DRC3: variants seen among roughly 807,000 people sequenced by gnomAD.
DRC3 encodes leucine rich repeat containing 48.
DRC3 carries 45 observed loss-of-function variants against 57.6 expected under a neutral mutation model. The observed-to-expected ratio is 0.78, with a 90% confidence interval of 0.62 to 1.00. The LOEUF (loss-of-function observed/expected upper bound fraction) is 1.00. Among genes scored for constraint, DRC3 ranks in the 50% least tolerant of loss-of-function variants. The probability of loss-of-function intolerance (pLI) is 0.00; values close to 1 mark genes in which losing one functional copy is unlikely to be tolerated. For missense variants in DRC3, 655 were observed against 675.2 expected (o/e 0.97, Z 0.33); for synonymous variants, 257 against 272.3 (o/e 0.94, Z 0.55).
chr17:17,986,538 C>T (rs528729813), intron 4 of DRC3, among the ~76,000 whole-genome samples: 184 of 149,188 alleles, frequency 1.2e-3, no homozygotes, highest in South Asian at 3.6e-3. Context: ...GGCACAATCT[C>T]GGCTCACTCC....
At position 17,977,628 on chromosome 17, in the gene DRC3, G is replaced by A. The variant is rs368584017; in HGVS notation, c.30G>A (p.Pro10=). The A allele has an allele frequency of 7.4e-6, 12 of 1,613,872 alleles. No individual in the cohort carries two copies. The highest frequency in any genetic ancestry group is 1.6e-4 in the Middle Eastern group (1 of 6,082). ...ACCAGCCGTGCAACTCGATGGAGCC[G>A]AGGGTGATGGACGATGACATGCTCA... is the stretch of plus-strand genomic sequence containing the variant. The part of the protein sequence containing the change: MNQPCNSME[P]RVMDDDMLKL... Residue 10 remains proline, a synonymous_variant, in exon 3 of 14, where the codon CCG becomes CCA. Coordinates refer to ENST00000399187, the MANE Select transcript of DRC3 (RefSeq NM_031294.4).
intron 6 of DRC3, chr17:17,994,055 C>G (rs550983294): frequency 9.1e-5 from 40 of 439,264 alleles, no homozygotes; most frequent in South Asian, 8.3e-4. Context: ...CAGCCTGCCA[C>G]GCTGCCTTCC....
At chr17:17,989,540 G>T (rs2043129695) in intron 5 of DRC3, 1 of 152,800 alleles carries the variant, frequency 6.5e-6, no homozygotes. Flanking sequence ...GGAAGCAGAG[G>T]TAAGGCAGGG....
chr17:17,999,131 C>T (rs1284315563), intron 9 of DRC3, among the ~76,000 whole-genome samples: 2 of 152,302 alleles, frequency 1.3e-5, no homozygotes, highest in Admixed American at 6.5e-5. Context: ...CCCTCAGCAG[C>T]GAGTCCCTCT....
chr17:18,010,173 T>G (rs2044119997), intron 12 of DRC3, among the ~76,000 whole-genome samples: 1 of 152,216 alleles, frequency 6.6e-6, no homozygotes, highest in African/African-American at 2.4e-5. Flanking sequence ...AGATTCTGGC[T>G]GGCACCAGGA....
At chr17:17,982,083 C>T (rs1198070379) in intron 3 of DRC3, among the ~76,000 whole-genome samples, 1 of 152,230 alleles carries the variant, frequency 6.6e-6, no homozygotes, top group East Asian at 1.9e-4. Flanking sequence ...ACCTCTGCCT[C>T]CTGGGTTCAA....
chr17:17,977,403 C>T (rs1479080109), intron 2 of DRC3, 179 bp from the exon 3 acceptor site: 4 of 672,330 alleles, frequency 5.9e-6, no homozygotes, highest in Non-Finnish European at 9.9e-6. Context: ...GCCAGGAAGC[C>T]CTGGAGCAGC....
At chr17:17,984,655 A>G (rs919359089) in intron 4 of DRC3, among the ~76,000 whole-genome samples, 3 of 152,206 alleles carry the variant, frequency 2.0e-5, no homozygotes, top group Admixed American at 2.0e-4. Context: ...ATCCCAATCT[A>G]CAGAAGAGGA....
At chr17:17,978,495 A>G (rs1228544000) in intron 3 of DRC3, among the ~76,000 whole-genome samples, 3 of 152,188 alleles carry the variant, frequency 2.0e-5, no homozygotes, top group East Asian at 1.9e-4. Flanking sequence ...TGTGCAGGCA[A>G]GGCCACAGCA....
At chr17:18,006,811 T>G (rs2043968976) in intron 11 of DRC3, 3 of 589,292 alleles carry the variant, frequency 5.1e-6, no homozygotes, top group East Asian at 3.5e-5. Flanking sequence ...GAGAGAAGAG[T>G]GTGATGGCAG....
At chr17:18,007,393 A>G in intron 12 of DRC3, 2 of 1,551,586 alleles carry the variant, frequency 1.3e-6, no homozygotes, top group Non-Finnish European at 1.7e-6. Context: ...TCAACTTTCC[A>G]ACAGGGTCGT....
chr17:17,979,415 G>A (rs775563679), intron 3 of DRC3, among the ~76,000 whole-genome samples: 1 of 152,220 alleles, frequency 6.6e-6, no homozygotes, highest in Non-Finnish European at 1.5e-5. Context: ...GCCAGGGGCC[G>A]AGGCAAGGAT....
Position 17,994,989 on chromosome 17 carries a change from C to T in DRC3, c.712-10C>T, listed in dbSNP as rs1395110479. 1 of 1,610,708 alleles carries T rather than the reference C, an allele frequency of 6.2e-7. No individual in the cohort carries two copies. On this transcript the variant is annotated splice_polypyrimidine_tract_variant and intron_variant, in intron 7 of 13. Transcript: ENST00000399187. ...GGAGCCGTCCTACCTACGTGTGTTT[C>T]TGCCTGCAGACTGCGTTTGTGGAAC... is the stretch of plus-strand genomic sequence containing the variant.
rs141679194 is a variant in DRC3 at position 18,016,071 on chromosome 17, T to C, written c.1334T>C (p.Val445Ala). ...DLPNDLRALF[V>A]DKDTIVNAVG... ...ATTCTTTTCACTCACCAGCTTTTTG[T>C]CGATAAAGATACGATTGTTAATGCT... The change falls in exon 13 of 14, where the codon GTC (valine) becomes GCC (alanine). Residue 445 changes from valine (V) to alanine (A), a missense_variant. Coordinates refer to ENST00000399187, the MANE Select transcript of DRC3 (RefSeq NM_031294.4). 1.8e-5 allele frequency: 29 copies of C among 1,613,602 alleles called. No individual in the cohort carries two copies. In the African/African-American group the frequency reaches 3.7e-4, roughly 21 times the overall value.
intron 9 of DRC3, among the ~76,000 whole-genome samples, chr17:17,999,788 C>T (rs1028958735): frequency 2.0e-5 from 3 of 152,252 alleles, no homozygotes; most frequent in Non-Finnish European, 4.4e-5. Context: ...GGAGCAGAGT[C>T]AGCCCAAAAG....
chr17:18,007,716 C>G, intron 12 of DRC3: 4 of 1,248,362 alleles, frequency 3.2e-6, no homozygotes, highest in Non-Finnish European at 4.0e-6. Context: ...ATGTCTATGT[C>G]TCTGGAAGGA....
At chr17:17,975,390 T>G (rs772005028) in intron 2 of DRC3, among the ~76,000 whole-genome samples, 4 of 151,904 alleles carry the variant, frequency 2.6e-5, no homozygotes, top group Non-Finnish European at 4.4e-5. Context: ...TTTTGTATTT[T>G]TAATAAAGTC....
intron 5 of DRC3, chr17:17,988,346 G>A (rs2043060020): frequency 1.9e-6 from 1 of 513,124 alleles, no homozygotes; most frequent in Non-Finnish European, 3.5e-6. Context: ...CTTTCCCTGT[G>A]TCTTGCACTT....
chr17:17,980,048 G>T (rs535812119), intron 3 of DRC3, among the ~76,000 whole-genome samples: 2 of 152,090 alleles, frequency 1.3e-5, no homozygotes, highest in Middle Eastern at 3.4e-3. Flanking sequence ...CAGGAGAGGT[G>T]CAGGGCAGCA....
Sources: allele counts gnomAD v4.1 joint callset (sites outside exome capture counted in the v4.1 genomes callset), GRCh38; gene constraint gnomAD v4.1.1; transcripts MANE v1.5; gene names NCBI Gene and HGNC (gene_info 2026-07-23, HGNC 2026-07-21).